The following LDB2 variants were observed in gnomAD, a reference collection of about 807,000 sequenced individuals.
The protein encoded by LDB2 is LIM domain-binding protein 2.
LDB2 carries 12 observed loss-of-function variants against 44.3 expected under a neutral mutation model. The ratio of observed to expected loss-of-function variants is 0.27; its 90% CI spans 0.17 to 0.44. LDB2 has a LOEUF of 0.44. Among genes scored for constraint, LDB2 ranks in the 20% least tolerant of loss-of-function variants. The pLI, the probability that LDB2 is intolerant of heterozygous loss-of-function variation, is 1.00. For missense variants in LDB2, 344 were observed against 473.5 expected, an observed-to-expected ratio of 0.73 and a Z score of 2.54; for synonymous variants, 164 against 174.8, an observed-to-expected ratio of 0.94 and a Z score of 0.49.
chr4:16,725,204 T>A (rs1237367934), intron 2 of LDB2, among the ~76,000 whole-genome samples: 1 of 151,972 alleles, frequency 6.6e-6, no homozygotes, highest in Non-Finnish European at 1.5e-5. Flanking sequence ...ATATAAAATA[T>A]CTAAATAGCT....
rs533948567 is a variant in LDB2, at chr4:16,862,574, A to C, written c.132+35780T>G. Among the ~76,000 whole-genome samples the C allele has an allele frequency of 2.3e-4, 31 of 133,532 alleles. No individual in the cohort carries two copies. In the South Asian group the frequency reaches 8.0e-3, roughly 34 times the overall value. 87.6% of individuals were successfully genotyped at this position (133,532 alleles called of 152,430 possible). A position where few individuals can be genotyped will look rare whatever the true frequency, so the allele number is the denominator to read the frequency against. On this transcript the variant is annotated intron_variant, in intron 1 of 7. Coordinates refer to ENST00000304523, the MANE Select transcript of LDB2 (RefSeq NM_001290.5). The stretch of plus-strand genomic sequence containing the variant: ...CTTGAACCCCGGAAGTGGAGGTTGC[A>C]GTGAGCCGAGATCATGCCATTGCAC...
intron 1 of LDB2, among the ~76,000 whole-genome samples, chr4:16,772,424 T>G (rs569302978): frequency 6.6e-6 from 1 of 152,070 alleles, no homozygotes. Context: ...AAAAGATAAA[T>G]CTATCAAGGA....
At chr4:16,828,349 T>A (rs1783439745) in intron 1 of LDB2, among the ~76,000 whole-genome samples, 1 of 152,336 alleles carries the variant, frequency 6.6e-6, no homozygotes, top group Non-Finnish European at 1.5e-5. Context: ...TACACTTCTC[T>A]GCCTTTAGGA....
In LDB2 at chr4:16,581,083, G is replaced by A. The variant is rs140272216; in HGVS notation, c.615+4839C>T. 7.9e-5 allele frequency among the ~76,000 whole-genome samples: 12 copies of A among 152,292 alleles called. No homozygotes were observed. The South Asian group carries it at 8.3e-4, about 11-fold the overall frequency. The stretch of plus-strand genomic sequence containing the variant: ...AATTAAGGGAGAAGGATCAACTCCC[G>A]TGTGTTTTGACCCATGGAGTCCTTC... On this transcript the variant is annotated intron_variant, in intron 5 of 7. Coordinates refer to ENST00000304523, the MANE Select transcript of LDB2 (RefSeq NM_001290.5).
At chr4:16,884,435 T>A (rs539305711) in intron 1 of LDB2, among the ~76,000 whole-genome samples, 2 of 152,218 alleles carry the variant, frequency 1.3e-5, no homozygotes, top group South Asian at 4.2e-4. Flanking sequence ...CCCTACTTCT[T>A]CTCCAGGCCT....
intron 2 of LDB2, among the ~76,000 whole-genome samples, chr4:16,730,686 C>T (rs777651406): frequency 2.0e-5 from 3 of 152,098 alleles, no homozygotes; most frequent in African/African-American, 4.8e-5. Flanking sequence ...GGGACGGAAT[C>T]AGGTCATAAG....
chr4:16,806,986 G>C (rs547515095), intron 1 of LDB2, among the ~76,000 whole-genome samples: 1 of 152,110 alleles, frequency 6.6e-6, no homozygotes, highest in Non-Finnish European at 1.5e-5. Flanking sequence ...GTATTTTTGC[G>C]TTTCAAATCT....
Position 16,798,034 on chromosome 4 carries a change from CG to C in LDB2, c.133-38775del, listed in dbSNP as rs35241207. ...TGGGCGACAGAGCAAGACTCTGTCT[CG>C]AAAAAAAAAAAAAAAAAAGCTGTAT... On this transcript the variant is annotated intron_variant, in intron 1 of 7. Transcript: ENST00000304523. Among the ~76,000 whole-genome samples the C allele has an allele frequency of 1.4e-3, 142 of 99,176 alleles. 2 individuals carry two copies. Among genetic ancestry groups the C allele is most frequent in the African/African-American group, 5.6e-3 (124 of 22,334 alleles). The allele number at this position is 99,176 out of a possible 152,430, so 65.1% of individuals were successfully genotyped here. A position where few individuals can be genotyped will look rare whatever the true frequency, so the allele number is the denominator to read the frequency against.
At chr4:16,707,629 A>T (rs1429322045) in intron 2 of LDB2, among the ~76,000 whole-genome samples, 4 of 151,898 alleles carry the variant, frequency 2.6e-5, no homozygotes, top group South Asian at 4.1e-4. Flanking sequence ...CATAAATTAA[A>T]CTAAGTCAAT....
At position 16,656,236 on chromosome 4, in the gene LDB2, A is replaced by G. The variant is rs1739825806; in HGVS notation, c.236-60361T>C. Among the ~76,000 whole-genome samples, 3 of 152,172 alleles carry G rather than the reference A, an allele frequency of 2.0e-5. No individual in the cohort carries two copies. The South Asian group carries it at 6.2e-4, about 31-fold the overall frequency. On this transcript the variant is annotated intron_variant, in intron 2 of 7. Coordinates refer to ENST00000304523, the MANE Select transcript of LDB2 (RefSeq NM_001290.5). ...CCTTTAAAAATGTAATCTTGTTCCTAAAGGTTGGGTTTCATATTGCCTTAA... is the reference window on the plus strand; with the variant it reads ...CCTTTAAAAATGTAATCTTGTTCCTGAAGGTTGGGTTTCATATTGCCTTAA...
chr4:16,517,191 A>G (rs1724074661), intron 5 of LDB2, among the ~76,000 whole-genome samples: 1 of 152,170 alleles, frequency 6.6e-6, no homozygotes. Context: ...GGTGAAGGCT[A>G]TACAGCCTGT....
rs564899434 is a variant in LDB2, at chr4:16,798,383, G to C, written c.133-39123C>G. ...ATCTTGGAGGAAGCCTAAAGCTGAG[G>C]ACATGACTTAGGATCTTGGAAAGCA... is the stretch of plus-strand genomic sequence containing the variant. On this transcript the variant is annotated intron_variant, in intron 1 of 7. Coordinates refer to ENST00000304523, the MANE Select transcript of LDB2 (RefSeq NM_001290.5). Among the ~76,000 whole-genome samples, 7 of 152,278 alleles carry C rather than the reference G, an allele frequency of 4.6e-5. No homozygotes were observed. The South Asian group carries it at 1.2e-3, about 27-fold the overall frequency.
At chr4:16,568,708 C>G (rs1745405200) in intron 5 of LDB2, among the ~76,000 whole-genome samples, 1 of 152,122 alleles carries the variant, frequency 6.6e-6, no homozygotes, top group African/African-American at 2.4e-5. Context: ...AAAAATTGGC[C>G]CTTCATATAC....
chr4:16,770,249 A>G (rs532836107), intron 1 of LDB2, among the ~76,000 whole-genome samples: 4 of 152,316 alleles, frequency 2.6e-5, no homozygotes, highest in African/African-American at 9.6e-5. Context: ...TATCTAACAC[A>G]TGGCAGGAAG....
rs368336489 is a variant in LDB2, at chr4:16,895,015, G to A, written c.132+3339C>T. On this transcript the variant is annotated intron_variant, in intron 1 of 7. Transcript: ENST00000304523. Reference sequence around the variant, plus strand: ...GTTTATGGTATTTTTTTTAATTAGCGTAGTGCCAACATGAAGAACTCTTTG... The same window carrying A: ...GTTTATGGTATTTTTTTTAATTAGCATAGTGCCAACATGAAGAACTCTTTG... Among the ~76,000 whole-genome samples, 72 of 149,194 alleles carry A rather than the reference G, an allele frequency of 4.8e-4. No individual in the cohort carries two copies. In the South Asian group the frequency reaches 9.3e-3, roughly 19 times the overall value.
chr4:16,560,447 A>G (rs1343886019), intron 5 of LDB2, among the ~76,000 whole-genome samples: 1 of 152,224 alleles, frequency 6.6e-6, no homozygotes, highest in African/African-American at 2.4e-5. Context: ...ACCTCTACGC[A>G]AATAAACTAG....
chr4:16,781,135 G>A (rs1773127607), intron 1 of LDB2, among the ~76,000 whole-genome samples: 1 of 152,150 alleles, frequency 6.6e-6, no homozygotes, highest in Admixed American at 6.5e-5. Context: ...TAAGACTGTG[G>A]CCCAACTGTG....
At chr4:16,615,742 T>C (rs1452587035) in intron 2 of LDB2, among the ~76,000 whole-genome samples, 2 of 151,982 alleles carry the variant, frequency 1.3e-5, no homozygotes, top group African/African-American at 4.8e-5. Flanking sequence ...TTAAAAAAAG[T>C]GAATAAATAA....
At chr4:16,880,776 T>C (rs1189537988) in intron 1 of LDB2, among the ~76,000 whole-genome samples, 3 of 151,402 alleles carry the variant, frequency 2.0e-5, no homozygotes, top group African/African-American at 4.9e-5. Context: ...TGGTGGCGGG[T>C]GCCTGTAGTC....
Sources: allele counts gnomAD v4.1 joint callset (sites outside exome capture counted in the v4.1 genomes callset), GRCh38; gene constraint gnomAD v4.1.1; transcripts MANE v1.5; gene names NCBI Gene and HGNC (gene_info 2026-07-23, HGNC 2026-07-21).